OR2L3: variants seen among roughly 807,000 people sequenced by gnomAD.
OR2L3 encodes the protein olfactory receptor 2L3.
For missense variants in OR2L3, 369 were observed against 376.6 expected (o/e 0.98, Z 0.17); for synonymous variants, 131 against 139.1 (o/e 0.94, Z 0.41).
chr1:248,047,244 T>G (rs1487004128), intron 1 of OR2L3, among the ~76,000 whole-genome samples: 1 of 152,148 alleles, frequency 6.6e-6, no homozygotes, highest in Admixed American at 6.5e-5. Flanking sequence ...GCTGGTGTTT[T>G]GTGCTATTTT....
rs765588893 is a variant in OR2L3 at position 248,060,924 on chromosome 1, A to T, written c.243A>T (p.Ala81=). ...TCTCCACCATTGTTCCTAAGATGGC[A>T]TCTGATTTTCTGTCTGGTAACAAGT... ...NYISTIVPKM[A]SDFLSGNKSI... Residue 81 remains alanine (A), a synonymous_variant, in exon 2 of 2, where the codon GCA becomes GCT. Coordinates refer to ENST00000359959, the MANE Select transcript of OR2L3 (RefSeq NM_001004687.2). 3 of 1,613,920 alleles carry T rather than the reference A, an allele frequency of 1.9e-6. No homozygotes were observed. The highest frequency in any genetic ancestry group is 2.5e-6 in the Non-Finnish European group (3 of 1,179,856).
chr1:248,058,929 C>T (rs933133973), intron 1 of OR2L3, among the ~76,000 whole-genome samples: 5 of 151,966 alleles, frequency 3.3e-5, no homozygotes, highest in African/African-American at 1.2e-4. Flanking sequence ...GAAACTTTCA[C>T]TTAATATTTT....
chr1:248,051,743 A>C (rs1282810154), intron 1 of OR2L3, among the ~76,000 whole-genome samples: 1 of 151,860 alleles, frequency 6.6e-6, no homozygotes, highest in Non-Finnish European at 1.5e-5. Flanking sequence ...AAAATCCAAA[A>C]ATGTCTGTTC....
At chr1:248,059,482 G>A (rs1663548319) in intron 1 of OR2L3, among the ~76,000 whole-genome samples, 1 of 152,130 alleles carries the variant, frequency 6.6e-6, no homozygotes, top group South Asian at 2.1e-4. Context: ...AACCTATTTG[G>A]TAAGGCATCT....
At chr1:248,047,273 A>C (rs1279368217) in intron 1 of OR2L3, among the ~76,000 whole-genome samples, 1 of 152,150 alleles carries the variant, frequency 6.6e-6, no homozygotes, top group East Asian at 1.9e-4. Flanking sequence ...TTCTTTTGCC[A>C]TGAATGATGA....
chr1:248,058,805 T>C (rs1411516761), intron 1 of OR2L3, among the ~76,000 whole-genome samples: 1 of 152,100 alleles, frequency 6.6e-6, no homozygotes, highest in East Asian at 1.9e-4. Context: ...CTTAAGCACA[T>C]ATTGTTCCTC....
chr1:248,057,877 C>A (rs907649626), intron 1 of OR2L3, among the ~76,000 whole-genome samples: 3 of 152,020 alleles, frequency 2.0e-5, no homozygotes, highest in Admixed American at 2.0e-4. Flanking sequence ...TATTATTTAT[C>A]CTAAGTTTTC....
At chr1:248,056,289 T>A (rs1333765233) in intron 1 of OR2L3, among the ~76,000 whole-genome samples, 1 of 152,088 alleles carries the variant, frequency 6.6e-6, no homozygotes, top group African/African-American at 2.4e-5. Context: ...GTTTATTGAT[T>A]TTTTTTTCAA....
chr1:248,058,475 A>G (rs1225205294), intron 1 of OR2L3, among the ~76,000 whole-genome samples: 1 of 152,072 alleles, frequency 6.6e-6, no homozygotes, highest in African/African-American at 2.4e-5. Context: ...ACATCATTTC[A>G]TCTTATGGAA....
chr1:248,059,325 C>G (rs1025799388), intron 1 of OR2L3, among the ~76,000 whole-genome samples: 3 of 152,168 alleles, frequency 2.0e-5, no homozygotes, highest in African/African-American at 7.2e-5. Context: ...GAGTTTCTAA[C>G]GCACCTCTAC....
chr1:248,048,923 C>T (rs74153022), intron 1 of OR2L3, among the ~76,000 whole-genome samples: 10,886 of 141,622 alleles, frequency 0.077, 1,373 homozygotes, highest in African/African-American at 0.26. Flanking sequence ...TTCTCTCTCT[C>T]TTTTTTTTTT....
chr1:248,060,601 G>A, intron 1 of OR2L3, 60 bp from the exon 2 acceptor site: 1 of 1,094,102 alleles, frequency 9.1e-7, no homozygotes, highest in Non-Finnish European at 1.4e-6. Context: ...GGCTTCAAAT[G>A]CATTCCCTGC....
At chr1:248,049,819 G>T (rs536034232) in intron 1 of OR2L3, among the ~76,000 whole-genome samples, 1 of 152,086 alleles carries the variant, frequency 6.6e-6, no homozygotes, top group East Asian at 1.9e-4. Flanking sequence ...AATTTTGAGG[G>T]ATGAACTACA....
intron 1 of OR2L3, among the ~76,000 whole-genome samples, chr1:248,050,949 G>C (rs1010923005): frequency 6.6e-6 from 1 of 151,856 alleles, no homozygotes; most frequent in African/African-American, 2.4e-5. Context: ...AAATGTATTT[G>C]GAAATCCAAA....
At chr1:248,054,369 A>G (rs1308344119) in intron 1 of OR2L3, among the ~76,000 whole-genome samples, 4 of 152,042 alleles carry the variant, frequency 2.6e-5, no homozygotes, top group African/African-American at 9.7e-5. Flanking sequence ...GCTTTGTAGT[A>G]TAGTTTGCAG....
rs115641792 is a variant in OR2L3 at position 248,060,569 on chromosome 1, C to T, written c.-21-92C>T. 2.8e-4 allele frequency: 220 copies of T among 796,032 alleles called. No homozygotes were observed. The African/African-American group carries it at 3.6e-3, about 13-fold the overall frequency. 49.3% of individuals were successfully genotyped at this position (796,032 alleles called of 1,614,324 possible). On this transcript the variant is annotated intron_variant, in intron 1 of 1. Coordinates refer to ENST00000359959, the MANE Select transcript of OR2L3 (RefSeq NM_001004687.2). ...TGTATATAGGGCTCAGTGTCAACTC[C>T]AGTCTCAAGAATTTACTGAGGGGCT... is the stretch of plus-strand genomic sequence containing the variant.
chr1:248,057,265 G>A (rs997813678), intron 1 of OR2L3, among the ~76,000 whole-genome samples: 4 of 151,914 alleles, frequency 2.6e-5, no homozygotes, highest in Non-Finnish European at 5.9e-5. Context: ...ATTGTGTAGG[G>A]GTCTAAGTCT....
chr1:248,061,879 G>GT lies in OR2L3; in HGVS notation c.*264dup. 1 of 308,584 alleles carries GT rather than the reference G, an allele frequency of 3.2e-6. No homozygotes were observed. The highest frequency in any genetic ancestry group is 2.2e-5 in the African/African-American group (1 of 46,414). 19.1% of individuals were successfully genotyped at this position (308,584 alleles called of 1,614,324 possible). ...TAATATGTTGTCAATGAGAATTTTTGTTTTTGGTCATGCAGAAATAGAAAT... is the reference window on the plus strand; with the variant it reads ...TAATATGTTGTCAATGAGAATTTTTGTTTTTTGGTCATGCAGAAATAGAAAT... On this transcript the variant is annotated 3_prime_UTR_variant, in exon 2 of 2. Coordinates refer to ENST00000359959, the MANE Select transcript of OR2L3 (RefSeq NM_001004687.2).
At position 248,060,745 on chromosome 1, in the gene OR2L3, A is replaced by G. The variant is rs1663597501; in HGVS notation, c.64A>G (p.Ile22Val). 1 of 1,613,836 alleles carries G rather than the reference A, an allele frequency of 6.2e-7. No individual in the cohort carries two copies. Among genetic ancestry groups the G allele is most frequent in the African/African-American group, 1.3e-5 (1 of 74,906 alleles). Reference protein sequence around the residue: ...ILLGFFPPSRIGLFLFILIVF... With the variant: ...ILLGFFPPSRVGLFLFILIVF... ...ATTAGGATTCTTCCCACCATCAAGA[A>G]TTGGCCTTTTCCTCTTCATCCTCAT... The change falls in exon 2 of 2, where the codon ATT becomes GTT. Residue 22 changes from isoleucine (I) to valine (V), a missense_variant. Physicochemically the swap from Ile to Val is conservative, Grantham distance 29. Coordinates refer to ENST00000359959, the MANE Select transcript of OR2L3 (RefSeq NM_001004687.2).
Sources: gnomAD v4.1 joint callset for allele counts (sites outside exome capture counted in the v4.1 genomes callset) on GRCh38, gnomAD v4.1.1 for gene constraint, MANE v1.5 for transcripts, NCBI Gene and HGNC (gene_info 2026-07-23, HGNC 2026-07-21) for gene names.